The following SORCS2 variants were observed in gnomAD, a reference collection of about 807,000 sequenced individuals.
SORCS2 encodes the protein sortilin related VPS10 domain containing receptor 2.
Under a neutral mutation model 141.6 loss-of-function variants are expected in SORCS2, and 100 were observed. The ratio of observed to expected loss-of-function variants is 0.71; its 90% CI spans 0.60 to 0.83. The LOEUF (loss-of-function observed/expected upper bound fraction) is 0.83, where lower values mean the gene tolerates loss of function less well. Among genes scored for constraint, SORCS2 ranks in the 40% least tolerant of loss-of-function variants. SORCS2 has a pLI of 0.00. For missense variants in SORCS2, 1,646 were observed against 1,560.2 expected, an observed-to-expected ratio of 1.05 and a Z score of -0.93; for synonymous variants, 789 against 676.9, an observed-to-expected ratio of 1.17 and a Z score of -2.57.
At chr4:7,375,898 C>G (rs929050851) in intron 1 of SORCS2, among the ~76,000 whole-genome samples, 1 of 152,072 alleles carries the variant, frequency 6.6e-6, no homozygotes, top group African/African-American at 2.4e-5. Flanking sequence ...GTTATTCGTG[C>G]GCAGGTTACT....
In SORCS2 at chr4:7,216,444, G is replaced by A. The variant is rs77760399; in HGVS notation, c.480+23318G>A. ...AACTGCACAAACTCAGTGGCTTGAA[G>A]CAACACAGCTTCATTGTCTTATGGT... On this transcript the variant is annotated intron_variant, in intron 1 of 26. Coordinates refer to ENST00000507866, the MANE Select transcript of SORCS2 (RefSeq NM_020777.3). 5.8e-3 allele frequency among the ~76,000 whole-genome samples: 883 copies of A among 152,304 alleles called. 73 individuals carry two copies. The East Asian group carries it at 0.14, about 25-fold the overall frequency.
At chr4:7,739,498 C>T (rs2148908377) in intron 26 of SORCS2, among the ~76,000 whole-genome samples, 1 of 152,324 alleles carries the variant, frequency 6.6e-6, no homozygotes, top group Admixed American at 6.5e-5. Context: ...TCCACGCCAG[C>T]CTTGCCAATG....
intron 2 of SORCS2, among the ~76,000 whole-genome samples, chr4:7,502,389 T>G (rs1036555788): frequency 4.6e-5 from 7 of 152,260 alleles, no homozygotes; most frequent in African/African-American, 1.7e-4. Context: ...CACCTTGGGC[T>G]GGGCAGTGAT....
intron 3 of SORCS2, among the ~76,000 whole-genome samples, chr4:7,610,182 G>C (rs1020272049): frequency 3.9e-5 from 6 of 152,184 alleles, no homozygotes; most frequent in Non-Finnish European, 8.8e-5. Flanking sequence ...AATGTGTTCC[G>C]AAGATGCAAT....
intron 3 of SORCS2, among the ~76,000 whole-genome samples, chr4:7,562,450 G>C (rs1301005661): frequency 6.6e-6 from 1 of 152,152 alleles, no homozygotes; most frequent in Non-Finnish European, 1.5e-5. Flanking sequence ...GATAGTGATA[G>C]GGAGTTTGGA....
In SORCS2 at chr4:7,714,472, G is replaced by A. The variant is rs921890336; in HGVS notation, c.2123+99G>A. The stretch of plus-strand genomic sequence containing the variant: ...TCAGAGTGAGGGAGGAAGCCTCAGC[G>A]CCTTTTATAACCTGGTGTCACAGTC... On this transcript the variant is annotated intron_variant, in intron 16 of 26. Transcript: ENST00000507866. 657 of 1,347,764 alleles carry A rather than the reference G, an allele frequency of 4.9e-4. 1 individual carries two copies. The highest frequency in any genetic ancestry group is 1.9e-3 in the Admixed American group (82 of 42,984). The allele number at this position is 1,347,764 out of a possible 1,614,324, so 83.5% of individuals were successfully genotyped here.
At position 7,502,651 on chromosome 4, in the gene SORCS2, C is replaced by T. The variant is rs571917475; in HGVS notation, c.549-28879C>T. On this transcript the variant is annotated intron_variant, in intron 2 of 26. Transcript: ENST00000507866. The stretch of plus-strand genomic sequence containing the variant: ...CCCGTCTGTCTGGGACAGGAGTACA[C>T]GTGAGATGCAGAGAACGGGCGTGAC... Among the ~76,000 whole-genome samples the T allele has an allele frequency of 1.5e-4, 23 of 152,290 alleles. 1 individual carries two copies. In the South Asian group the frequency reaches 1.7e-3, roughly 11 times the overall value.
At chr4:7,305,404 C>T (rs1167579099) in intron 1 of SORCS2, among the ~76,000 whole-genome samples, 1 of 146,636 alleles carries the variant, frequency 6.8e-6, no homozygotes, top group Non-Finnish European at 1.5e-5. Flanking sequence ...CTATGGAATA[C>T]AATCCTGAGA....
intron 1 of SORCS2, among the ~76,000 whole-genome samples, chr4:7,226,041 G>A (rs1345612567): frequency 2.0e-5 from 3 of 152,114 alleles, no homozygotes; most frequent in Non-Finnish European, 4.4e-5. Context: ...TTTGAACTCC[G>A]CCACCGTGAG....
chr4:7,427,074 C>T (rs549945107), intron 2 of SORCS2, among the ~76,000 whole-genome samples: 12 of 152,238 alleles, frequency 7.9e-5, no homozygotes, highest in South Asian at 2.1e-4. Context: ...CCTTGGGCCA[C>T]GGCCTCCCAG....
chr4:7,492,673 T>G (rs1731387380), intron 2 of SORCS2, among the ~76,000 whole-genome samples: 1 of 152,256 alleles, frequency 6.6e-6, no homozygotes, highest in Non-Finnish European at 1.5e-5. Flanking sequence ...GAATGAGTCC[T>G]TCCCCAGCCC....
intron 2 of SORCS2, among the ~76,000 whole-genome samples, chr4:7,472,996 TG>T (rs1232990468): frequency 5.9e-5 from 9 of 151,852 alleles, no homozygotes; most frequent in Admixed American, 3.9e-4. Flanking sequence ...TTAACAAAAA[TG>T]GTATGGAGCC....
intron 3 of SORCS2, among the ~76,000 whole-genome samples, chr4:7,607,989 A>G (rs909491244): frequency 2.0e-5 from 3 of 152,084 alleles, no homozygotes; most frequent in African/African-American, 7.2e-5. Flanking sequence ...ACCTGAAATG[A>G]GGATTTGCAG....
chr4:7,409,935 G>A (rs947839273), intron 2 of SORCS2, among the ~76,000 whole-genome samples: 1 of 152,204 alleles, frequency 6.6e-6, no homozygotes, highest in Non-Finnish European at 1.5e-5. Context: ...GTCTTTTAAT[G>A]TATAGAATTT....
intron 1 of SORCS2, among the ~76,000 whole-genome samples, chr4:7,386,303 T>C (rs11733692): frequency 0.53 from 27,520 of 52,386 alleles, 9,205 homozygotes; most frequent in Non-Finnish European, 0.61. Context: ...TGCACACACA[T>C]ACACATTTGC....
At chr4:7,261,089 C>T (rs1267968648) in intron 1 of SORCS2, among the ~76,000 whole-genome samples, 1 of 152,192 alleles carries the variant, frequency 6.6e-6, no homozygotes, top group African/African-American at 2.4e-5. Context: ...GCTGGCTTTC[C>T]CCTGTATGGT....
intron 3 of SORCS2, among the ~76,000 whole-genome samples, chr4:7,616,995 A>G (rs1393030283): frequency 6.6e-6 from 1 of 152,184 alleles, no homozygotes; most frequent in African/African-American, 2.4e-5. Context: ...CAGGTGGACA[A>G]TTGGTCACTC....
At chr4:7,407,265 A>G (rs1211695809) in intron 2 of SORCS2, among the ~76,000 whole-genome samples, 2 of 152,064 alleles carry the variant, frequency 1.3e-5, no homozygotes, top group Admixed American at 6.5e-5. Flanking sequence ...AGCTGCTCAT[A>G]ACTGAGAGGA....
chr4:7,634,887 A>T (rs1264635401), intron 3 of SORCS2, among the ~76,000 whole-genome samples: 2 of 152,242 alleles, frequency 1.3e-5, no homozygotes, highest in Non-Finnish European at 2.9e-5. Flanking sequence ...TCCGATGCCC[A>T]GAAAAACATC....
Sources: gnomAD v4.1 joint callset for allele counts (sites outside exome capture counted in the v4.1 genomes callset) on GRCh38, gnomAD v4.1.1 for gene constraint, MANE v1.5 for transcripts, NCBI Gene and HGNC (gene_info 2026-07-23, HGNC 2026-07-21) for gene names.